Variants in ERCC1 observed in about 807,000 individuals in gnomAD.
The protein encoded by ERCC1 is DNA excision repair protein ERCC-1.
Under a neutral mutation model 37.6 loss-of-function variants are expected in ERCC1, and 36 were observed. The observed-to-expected ratio is 0.96, with a 90% CI of 0.73 to 1.26. The LOEUF is 1.26. ERCC1 is among the 50% of genes most tolerant of loss of function. The pLI is 0.00. For synonymous variants in ERCC1, 156 were observed against 162.1 expected (o/e 0.96, Z 0.28); for missense variants, 349 against 376.5 (o/e 0.93, Z 0.60).
At chr19:45,412,011 C>T (rs1445930520) in intron 9 of ERCC1, among the ~76,000 whole-genome samples, 3 of 151,664 alleles carry the variant, frequency 2.0e-5, no homozygotes, top group African/African-American at 7.3e-5. Flanking sequence ...TGCCCACCAC[C>T]ACACCCAGCT....
intron 1 of ERCC1, among the ~76,000 whole-genome samples, chr19:45,439,615 T>C (rs990669909): frequency 2.6e-5 from 4 of 152,172 alleles, no homozygotes; most frequent in Admixed American, 6.5e-5. Context: ...CTGCGATCCC[T>C]GCGGGGGCCA....
chr19:45,428,083 CTTT>C (rs5828235), upstream of ERCC1, among the ~76,000 whole-genome samples: 2 of 116,014 alleles, frequency 1.7e-5, no homozygotes, highest in Non-Finnish European at 3.3e-5. Flanking sequence ...TTCTTTCTTT[CTTT>C]TTTTTTTTTT....
intron 1 of ERCC1, 82 bp from the exon 2 acceptor site, chr19:45,423,463 G>A (rs1421354788): frequency 1.3e-6 from 2 of 1,517,590 alleles, no homozygotes; most frequent in African/African-American, 1.6e-5. Context: ...ACTCACAGCC[G>A]TCCCCCACAA....
At chr19:45,416,729 AAGG>A (rs1974091331) in intron 6 of ERCC1, 89 bp downstream of exon 6, 2 of 921,782 alleles carry the variant, frequency 2.2e-6, no homozygotes, top group Admixed American at 1.9e-5. Context: ...CCCACACAGG[AAGG>A]AGAAGGGAAG....
chr19:45,449,593 G>A (rs1461848416), intron 1 of ERCC1, among the ~76,000 whole-genome samples: 1 of 152,188 alleles, frequency 6.6e-6, no homozygotes, highest in Non-Finnish European at 1.5e-5. Flanking sequence ...TTGAGCTCAG[G>A]AAGTGAGGCT....
Position 45,407,856 on chromosome 19 carries a change from G to T in ERCC1, c.*1819C>A. ...AGATCACTTGAGGTCAGGAGTTCAA[G>T]ACCAGCCTGGCCAACATAGTGAAAT... is the stretch of plus-strand genomic sequence containing the variant. On this transcript the variant is annotated 3_prime_UTR_variant, in exon 10 of 10. Coordinates refer to ENST00000300853, the MANE Select transcript of ERCC1 (RefSeq NM_001983.4). The T allele has an allele frequency of 3.1e-6, 1 of 319,466 alleles. No individual in the cohort carries two copies. Among genetic ancestry groups the T allele is most frequent in the Admixed American group, 4.5e-5 (1 of 22,248 alleles). 19.8% of individuals were successfully genotyped at this position (319,466 alleles called of 1,614,324 possible).
intron 6 of ERCC1, among the ~76,000 whole-genome samples, chr19:45,415,648 A>AC (rs1395306244): frequency 0.021 from 3,138 of 151,316 alleles, 133 homozygotes; most frequent in African/African-American, 0.073. Context: ...AAAAAAAAAA[A>AC]AAAAAAAAAA....
intron 5 of ERCC1, among the ~76,000 whole-genome samples, chr19:45,418,540 A>G (rs1339579971): frequency 6.7e-6 from 1 of 149,526 alleles, no homozygotes; most frequent in African/African-American, 2.5e-5. Context: ...AGAGAGAGAT[A>G]TGGCCAGGCA....
At position 45,414,760 on chromosome 19, in the gene ERCC1, C is replaced by A. The variant is rs543726443; in HGVS notation, c.702+101G>T. 1.7e-5 allele frequency: 14 copies of A among 841,970 alleles called. No individual in the cohort carries two copies. In the Admixed American group the frequency reaches 2.5e-4, roughly 15 times the overall value. 52.2% of individuals were successfully genotyped at this position (841,970 alleles called of 1,614,324 possible). A position where few individuals can be genotyped will look rare whatever the true frequency, so the allele number is the denominator to read the frequency against. On this transcript the variant is annotated intron_variant, in intron 7 of 9. Coordinates refer to ENST00000300853, the MANE Select transcript of ERCC1 (RefSeq NM_001983.4). The stretch of plus-strand genomic sequence containing the variant: ...GTGGGATGGGCCAGGAAAGACGAGG[C>A]CCAGGGATGAATGGACAGTGCCTTA...
chr19:45,409,499 T>C lies in ERCC1; in HGVS notation c.*176A>G, dbSNP rs371905515. On this transcript the variant is annotated 3_prime_UTR_variant, in exon 10 of 10. Coordinates refer to ENST00000300853, the MANE Select transcript of ERCC1 (RefSeq NM_001983.4). ...GAAGCAGCAGCAGCAGCAGCCTGTGTAGTCTGCCCCCGGGAAACTGAGGAA... is the reference window on the plus strand; with the variant it reads ...GAAGCAGCAGCAGCAGCAGCCTGTGCAGTCTGCCCCCGGGAAACTGAGGAA... 181 of 1,605,166 alleles carry C rather than the reference T, an allele frequency of 1.1e-4. No individual in the cohort carries two copies. Among genetic ancestry groups the C allele is most frequent in the Non-Finnish European group, 1.4e-4 (169 of 1,176,602 alleles).
chr19:45,431,577 T>C (rs960873396), intron 1 of ERCC1, among the ~76,000 whole-genome samples: 1 of 150,826 alleles, frequency 6.6e-6, no homozygotes, highest in Non-Finnish European at 1.5e-5. Context: ...CTTGGGAGGC[T>C]AAGGCAGGAG....
At position 45,420,852 on chromosome 19, in the gene ERCC1, A is replaced by C. The variant is rs1186449134; in HGVS notation, c.321+326T>G. Among the ~76,000 whole-genome samples the C allele has an allele frequency of 6.6e-6, 1 of 151,962 alleles. No individual in the cohort carries two copies. The highest frequency in any genetic ancestry group is 1.5e-5 in the Non-Finnish European group (1 of 67,978). ...TCGCCAGACTGGTCTCGAACTCCTG[A>C]CCTCAGGTGATCCACCTGCCTCAGC... On this transcript the variant is annotated intron_variant, in intron 3 of 9. Coordinates refer to ENST00000300853, the MANE Select transcript of ERCC1 (RefSeq NM_001983.4). This position sits in a 1 kb window ranked among gnomAD's most constrained non-coding sequence, Gnocchi z 4.8.
upstream of ERCC1, among the ~76,000 whole-genome samples, chr19:45,426,752 A>G (rs1437722493): frequency 1.3e-5 from 2 of 151,728 alleles, no homozygotes; most frequent in African/African-American, 4.8e-5. Flanking sequence ...TGGGCTCCAG[A>G]GTTCAAGACC....
intron 1 of ERCC1, among the ~76,000 whole-genome samples, chr19:45,437,657 C>G (rs1189353217): frequency 2.6e-5 from 4 of 152,088 alleles, no homozygotes; most frequent in African/African-American, 9.7e-5. Flanking sequence ...AAAAGTCGAG[C>G]TCATAGAAAC....
chr19:45,445,618 G>C (rs1354043065), intron 1 of ERCC1, among the ~76,000 whole-genome samples: 1 of 152,188 alleles, frequency 6.6e-6, no homozygotes, highest in Non-Finnish European at 1.5e-5. Context: ...GTTGGTTTGG[G>C]AGAAGCCATG....
intron 6 of ERCC1, among the ~76,000 whole-genome samples, chr19:45,415,358 CG>C (rs1247484290): frequency 1.4e-5 from 2 of 147,646 alleles, no homozygotes; most frequent in African/African-American, 5.1e-5. Context: ...AAAAAAAGGC[CG>C]GGTGTGGTGG....
In ERCC1 at chr19:45,420,635, C is replaced by A. The variant is rs1272870901; in HGVS notation, c.322-208G>T. Among the ~76,000 whole-genome samples the A allele has an allele frequency of 6.6e-6, 1 of 152,068 alleles. No homozygotes were observed. Among genetic ancestry groups the A allele is most frequent in the Non-Finnish European group, 1.5e-5 (1 of 68,008 alleles). The stretch of plus-strand genomic sequence containing the variant: ...CTCTCCTCCTAACCCTGGACAGTCC[C>A]TGATCCTCTGATCCAGGCTCCTCCC... On this transcript the variant is annotated intron_variant, in intron 3 of 9. Transcript: ENST00000300853. This position sits in a 1 kb window ranked among gnomAD's most constrained non-coding sequence, Gnocchi z 4.8.
chr19:45,450,499 G>A lies in ERCC1; in HGVS notation c.-7-27118C>T, dbSNP rs563391990. ...GAATGAACAGTCCAGGCCGGGCGCG[G>A]TGGCTCACGCCTGTAATCCCAACAC... is the stretch of plus-strand genomic sequence containing the variant. On this transcript the variant is annotated intron_variant, in intron 1 of 8. Coordinates refer to the ERCC1 transcript ENST00000423698. 7 of 152,452 alleles carry A rather than the reference G, an allele frequency of 4.6e-5. No individual in the cohort carries two copies. The South Asian group carries it at 8.3e-4, about 18-fold the overall frequency. The allele number at this position is 152,452 out of a possible 1,614,324, so 9.4% of individuals were successfully genotyped here.
At chr19:45,434,240 G>A (rs1386294593) in intron 1 of ERCC1, among the ~76,000 whole-genome samples, 4 of 151,636 alleles carry the variant, frequency 2.6e-5, no homozygotes, top group African/African-American at 9.7e-5. Flanking sequence ...CAGCACTTTG[G>A]GAAGCTAAGG....
Sources: gnomAD v4.1 joint callset for allele counts (sites outside exome capture counted in the v4.1 genomes callset) on GRCh38, gnomAD v4.1.1 for gene constraint, Gnocchi (gnomAD v3.1) non-coding constraint, MANE v1.5 for transcripts, NCBI Gene and HGNC (gene_info 2026-07-23, HGNC 2026-07-21) for gene names.